The following USP42 variants were observed in gnomAD, a reference collection of about 807,000 sequenced individuals.
The protein encoded by USP42 is ubiquitin specific peptidase 42.
USP42 carries 23 observed loss-of-function variants against 113.0 expected under a neutral mutation model. The ratio of observed to expected loss-of-function variants is 0.20; its 90% CI spans 0.15 to 0.29. The LOEUF (loss-of-function observed/expected upper bound fraction) is 0.29. Ranked by LOEUF, USP42 falls within the 10% of genes least tolerant of loss-of-function variation. The probability of loss-of-function intolerance (pLI) is 1.00; values close to 1 mark genes in which losing one functional copy is unlikely to be tolerated. For synonymous variants in USP42, 933 were observed against 699.0 expected (o/e 1.33, Z -5.28); for missense variants, 2,174 against 1,779.8 (o/e 1.22, Z -3.99).
chr7:6,104,227 C>G, upstream of USP42, among the ~76,000 whole-genome samples: 1 of 151,406 alleles, frequency 6.6e-6, no homozygotes, highest in South Asian at 2.1e-4. Flanking sequence ...GGACTACAGG[C>G]GCGCGCCACC....
At position 6,147,799 on chromosome 7, in the gene USP42, C is replaced by G. The variant is rs1399463134; in HGVS notation, c.1293C>G (p.Ser431=). ...ATCCCACCCATAGCCCCGGCCAGTC[C>G]TCTCCCCGCCCCGTCATCAGTCAGC... ...LTHPTHSPGQ[S]SPRPVISQRV... is the part of the protein sequence containing the mutation. The change falls in exon 12 of 18, where the codon TCC becomes TCG. Residue 431 remains serine (S), a synonymous_variant. Coordinates refer to ENST00000306177, the MANE Select transcript of USP42 (RefSeq NM_032172.3). 1 of 1,613,040 alleles carries G rather than the reference C, an allele frequency of 6.2e-7. No individual in the cohort carries two copies.
At position 6,115,329 on chromosome 7, in the gene USP42, G is replaced by C. The variant is rs947216717; in HGVS notation, c.248G>C (p.Gly83Ala). Reference protein sequence around the residue: ...KPSPQKDQALGDGIAPPQKVL... With the variant: ...KPSPQKDQALADGIAPPQKVL... Reference sequence around the variant, plus strand: ...TTCTTGTTTATTTTTCTAGCCCTAGGTGATGGCATCGCTCCTCCACAGAAA... The same window carrying C: ...TTCTTGTTTATTTTTCTAGCCCTAGCTGATGGCATCGCTCCTCCACAGAAA... The change falls in exon 3 of 18, where the codon GGT (glycine) becomes GCT (alanine). Residue 83 changes from glycine to alanine, a missense_variant. Gly to Ala is a moderately conservative substitution (Grantham distance 60). Transcript: ENST00000306177. 2 of 1,613,770 alleles carry C rather than the reference G, an allele frequency of 1.2e-6. No individual in the cohort carries two copies. Among genetic ancestry groups the C allele is most frequent in the African/African-American group, 2.7e-5 (2 of 74,940 alleles).
intron 15 of USP42, 32 bp downstream of exon 15, chr7:6,155,227 C>T: frequency 6.7e-7 from 1 of 1,492,374 alleles, no homozygotes; most frequent in South Asian, 1.3e-5. Flanking sequence ...CCCCGAGGCG[C>T]TGGCGCTGCT....
At position 6,154,121 on chromosome 7, in the gene USP42, G is replaced by C. The variant is rs61753119; in HGVS notation, c.2567G>C (p.Ser856Thr). The C allele has an allele frequency of 6.2e-7, 1 of 1,601,608 alleles. No individual in the cohort carries two copies. Among genetic ancestry groups the C allele is most frequent in the East Asian group, 2.2e-5 (1 of 44,734 alleles). Residue 856 changes from serine (S) to threonine (T), a missense_variant, in exon 15 of 18, where the codon AGT becomes ACT. Coordinates refer to ENST00000306177, the MANE Select transcript of USP42 (RefSeq NM_032172.3). The stretch of plus-strand genomic sequence containing the variant: ...TTGGCGGAAGCCCCGGAAGGGTTGA[G>C]TCCGGCTCCGCCTGCGCGGTCGGAG... ...SALAEAPEGL[S>T]PAPPARSEEP...
Position 6,158,823 on chromosome 7 carries a change from A to G in USP42, c.3944-627A>G, listed in dbSNP as rs1049861983. ...GAGTGTGGTGCAGGCTCCCAGGATC[A>G]TGGGCTTCCAGCTGGGGCTACTGGG... On this transcript the variant is annotated intron_variant, in intron 16 of 17. Transcript: ENST00000306177. The surrounding 1 kb of genome is among the most constrained non-coding windows in gnomAD (Gnocchi z 4.2). 2.6e-5 allele frequency among the ~76,000 whole-genome samples: 4 copies of G among 152,228 alleles called. No homozygotes were observed. Among genetic ancestry groups the G allele is most frequent in the African/African-American group, 2.4e-5 (1 of 41,542 alleles).
chr7:6,111,431 G>C lies in USP42; in HGVS notation c.241+57G>C. 1.9e-6 allele frequency: 3 copies of C among 1,576,002 alleles called. 1 individual carries two copies. Among genetic ancestry groups the C allele is most frequent in the South Asian group, 2.3e-5 (2 of 85,864 alleles). On this transcript the variant is annotated intron_variant, in intron 2 of 17. Coordinates refer to ENST00000306177, the MANE Select transcript of USP42 (RefSeq NM_032172.3). ...AGAAACTCCTGTGTAAATGCTGCTG[G>C]GGCTTGGTGGTTTCAGAGAGGGGCT...
the USP42 span, among the ~76,000 whole-genome samples, chr7:6,091,493 G>T: frequency 1.3e-5 from 2 of 150,710 alleles, no homozygotes; most frequent in African/African-American, 2.5e-5. Context: ...CTCCCCAAAT[G>T]CTCAGATAAC....
the USP42 span, among the ~76,000 whole-genome samples, chr7:6,082,939 A>G: frequency 1.5e-5 from 2 of 135,918 alleles, no homozygotes; most frequent in African/African-American, 2.9e-5. Context: ...ATATAGATAC[A>G]TATATATATA....
intron 14 of USP42, among the ~76,000 whole-genome samples, chr7:6,151,533 G>A (rs1171485282): frequency 6.6e-6 from 1 of 152,202 alleles, no homozygotes; most frequent in African/African-American, 2.4e-5. Flanking sequence ...CGCCTCCCAA[G>A]TTCAAGCAAT....
At chr7:6,086,834 T>C in the USP42 span, among the ~76,000 whole-genome samples, 3 of 150,446 alleles carry the variant, frequency 2.0e-5, no homozygotes, top group African/African-American at 7.5e-5. Flanking sequence ...CAAGCAATTC[T>C]CCTACCTCAG....
chr7:6,130,355 C>T (rs921080303), intron 3 of USP42, among the ~76,000 whole-genome samples: 4 of 152,242 alleles, frequency 2.6e-5, no homozygotes, highest in Non-Finnish European at 5.9e-5. Flanking sequence ...CTGCTCCCCA[C>T]ATGGTCTCCA....
At chr7:6,117,647 T>C (rs1779987769) in intron 3 of USP42, among the ~76,000 whole-genome samples, 1 of 152,226 alleles carries the variant, frequency 6.6e-6, no homozygotes, top group Admixed American at 6.5e-5. Context: ...TGCAGTGTTT[T>C]ATAGTCCCAC....
the USP42 span, among the ~76,000 whole-genome samples, chr7:6,083,616 C>T: frequency 2.0e-5 from 3 of 149,708 alleles, no homozygotes; most frequent in Admixed American, 6.7e-5. Flanking sequence ...ACCCAGAAAC[C>T]GCAATAAATA....
intron 1 of USP42, among the ~76,000 whole-genome samples, chr7:6,107,351 C>G (rs1215524689): frequency 2.6e-5 from 4 of 151,158 alleles, no homozygotes; most frequent in Non-Finnish European, 4.4e-5. Flanking sequence ...GTAAATAAGG[C>G]TGGATTAACC....
upstream of USP42, among the ~76,000 whole-genome samples, chr7:6,100,682 C>CTTTTTTTTT (rs1228529787): frequency 7.7e-6 from 1 of 130,168 alleles, no homozygotes; most frequent in African/African-American, 3.0e-5. Context: ...TATCCACTGT[C>CTTTTTTTTT]TTTTTTTTTT....
At chr7:6,105,605 A>C (rs973560257) in intron 1 of USP42, among the ~76,000 whole-genome samples, 26 of 151,962 alleles carry the variant, frequency 1.7e-4, no homozygotes, top group Admixed American at 7.2e-4. Flanking sequence ...AGGCCTAGCC[A>C]CCTGGCTGCT....
chr7:6,146,352 ACCC>A, intron 11 of USP42, 104 bp downstream of exon 11: 14 of 777,218 alleles, frequency 1.8e-5, no homozygotes, highest in Non-Finnish European at 2.8e-5. Flanking sequence ...AAAAAAAAAA[ACCC>A]AGCAGCTTAA....
At position 6,114,388 on chromosome 7, in the gene USP42, C is replaced by T. The variant is rs192539425; in HGVS notation, c.242-935C>T. 1.6e-3 allele frequency among the ~76,000 whole-genome samples: 245 copies of T among 152,052 alleles called. 1 individual carries two copies. Among genetic ancestry groups the T allele is most frequent in the Non-Finnish European group, 2.6e-3 (176 of 67,990 alleles). On this transcript the variant is annotated intron_variant, in intron 2 of 17. Transcript: ENST00000306177. Reference sequence around the variant, plus strand: ...TAAAAGAGTAATTATAATGAACTCTCATGTAGCCGTCAACCAACTTTGACA... The same window carrying T: ...TAAAAGAGTAATTATAATGAACTCTTATGTAGCCGTCAACCAACTTTGACA...
intron 1 of USP42, among the ~76,000 whole-genome samples, chr7:6,108,380 A>G (rs1779409292): frequency 6.6e-6 from 1 of 152,186 alleles, no homozygotes; most frequent in Non-Finnish European, 1.5e-5. Flanking sequence ...TCTACAAAAA[A>G]GAAAAACCCC....
Sources: gnomAD v4.1 joint callset for allele counts (sites outside exome capture counted in the v4.1 genomes callset) on GRCh38, gnomAD v4.1.1 for gene constraint, Gnocchi (gnomAD v3.1) non-coding constraint, MANE v1.5 for transcripts, NCBI Gene and HGNC (gene_info 2026-07-23, HGNC 2026-07-21) for gene names.